Variants in RPS6KA3 observed in about 807,000 individuals in gnomAD.
RPS6KA3 encodes ribosomal protein S6 kinase alpha-3.
RPS6KA3 carries 4 observed loss-of-function variants against 67.2 expected under a neutral mutation model. That is an observed-to-expected ratio of 0.06 (90% CI 0.03 to 0.14). The LOEUF is 0.14. RPS6KA3 is among the 10% of genes least tolerant of loss of function. The pLI is 1.00. For missense variants in RPS6KA3, 204 were observed against 559.0 expected (o/e 0.36, Z 6.40); for synonymous variants, 182 against 183.7 (o/e 0.99, Z 0.07).
At chrX:20,240,636 C>CT in intron 1 of RPS6KA3, 6 of 251,429 alleles carry the variant, frequency 2.4e-5, no homozygotes, top group Non-Finnish European at 3.3e-5. Context: ...TGCATAAAGA[C>CT]TTATGTACAG....
At chrX:20,238,903 A>C (rs1216595650) in intron 1 of RPS6KA3, among the ~76,000 whole-genome samples, 1 of 111,727 alleles carries the variant, frequency 9.0e-6, no homozygotes, top group Admixed American at 9.5e-5. Flanking sequence ...TAAGTTTCCC[A>C]TTTGGAAAAT....
chrX:20,187,702 T>A, intron 9 of RPS6KA3, 126 bp downstream of exon 9: 1 of 615,027 alleles, frequency 1.6e-6, no homozygotes, highest in Non-Finnish European at 2.8e-6. Flanking sequence ...CAATAATGTT[T>A]CTTGGTTATT....
rs779360754 is a variant in RPS6KA3, at chrX:20,167,612, C to T, written c.1579G>A (p.Val527Ile). Residue 527 changes from valine to isoleucine, a missense_variant, in exon 17 of 22, where the codon GTT (valine) becomes ATT (isoleucine). Val to Ile is a conservative substitution (Grantham distance 29). Coordinates refer to ENST00000379565, the MANE Select transcript of RPS6KA3 (RefSeq NM_004586.3). ...SAVLFTITKT[V>I]EYLHAQGVVH... is the part of the protein sequence containing the mutation. ...ACCCCTTGTGCGTGAAGATATTCAA[C>T]GGTTTTAGTTATAGTGAACAGGACA... The T allele has an allele frequency of 3.3e-6, 4 of 1,210,547 alleles. No individual in the cohort carries two copies. The highest frequency in any genetic ancestry group is 3.0e-5 in the East Asian group (1 of 33,821).
intron 7 of RPS6KA3, among the ~76,000 whole-genome samples, chrX:20,190,678 T>C (rs2068097153): frequency 9.0e-6 from 1 of 111,455 alleles, no homozygotes; most frequent in African/African-American, 3.3e-5. Flanking sequence ...TAGTTATAAG[T>C]TGGGAAAATA....
intron 7 of RPS6KA3, among the ~76,000 whole-genome samples, chrX:20,189,986 G>C (rs760299561): frequency 9.0e-6 from 1 of 110,784 alleles, no homozygotes; most frequent in Non-Finnish European, 1.9e-5. Context: ...CATTTAGAGA[G>C]TATAAAGGGC....
In RPS6KA3 at chrX:20,160,005, C is replaced by A. The variant is rs745407402; in HGVS notation, c.1959+1639G>T. On this transcript the variant is annotated intron_variant, in intron 20 of 21. Coordinates refer to ENST00000379565, the MANE Select transcript of RPS6KA3 (RefSeq NM_004586.3). ...ATGGAATGACCAGCCTGGAGGCATT[C>A]TGCTATTCTCATGCTATCATCACCA... Among the ~76,000 whole-genome samples, 3 of 111,956 alleles carry A rather than the reference C, an allele frequency of 2.7e-5. No individual in the cohort carries two copies. The Admixed American group carries it at 2.8e-4, about 11-fold the overall frequency.
At chrX:20,240,151 T>C (rs2069513501) in intron 1 of RPS6KA3, among the ~76,000 whole-genome samples, 1 of 108,928 alleles carries the variant, frequency 9.2e-6, no homozygotes, top group Non-Finnish European at 1.9e-5. Context: ...GAAATGGACG[T>C]ACGGACATTA....
In RPS6KA3 at chrX:20,259,883, A is replaced by C. The variant is rs192681293; in HGVS notation, c.69+6681T>G. Among the ~76,000 whole-genome samples, 398 of 111,339 alleles carry C rather than the reference A, an allele frequency of 3.6e-3. 1 individual carries two copies. Among genetic ancestry groups the C allele is most frequent in the Middle Eastern group, 0.014 (3 of 216 alleles). On this transcript the variant is annotated intron_variant, in intron 1 of 21. Transcript: ENST00000379565. ...GAGGGGGGTGATTCTTGAGGCATGG[A>C]TACACCTTTTAACATCATATCTCCA...
chrX:20,235,812 TCTA>T (rs1052175329), intron 1 of RPS6KA3, among the ~76,000 whole-genome samples: 9 of 111,622 alleles, frequency 8.1e-5, no homozygotes, highest in East Asian at 2.8e-4. Flanking sequence ...TCTCATCAAT[TCTA>T]CTTCTTTTTT....
rs1209085517 is a variant in RPS6KA3, at chrX:20,158,365, CAAAA to C, written c.1960-2120_1960-2117del. On this transcript the variant is annotated intron_variant, in intron 20 of 21. Transcript: ENST00000379565. ...TGGGCAACACACTAAGACTCTATCT[CAAAA>C]AAAAAAAAAAAAAAAAAAAGAGAGA... Among the ~76,000 whole-genome samples the C allele has an allele frequency of 1.0e-3, 30 of 28,713 alleles. No individual in the cohort carries two copies. In the South Asian group the frequency reaches 0.016, roughly 15 times the overall value. The allele number at this position is 28,713 out of a possible 115,157, so 24.9% of individuals were successfully genotyped here.
intron 4 of RPS6KA3, 59 bp downstream of exon 4, chrX:20,203,963 A>AT: frequency 1.2e-6 from 1 of 864,810 alleles, no homozygotes; most frequent in East Asian, 3.1e-5. Flanking sequence ...CATGAGCTCT[A>AT]TTGAGACCTT....
chrX:20,235,826 A>T (rs944732548), intron 1 of RPS6KA3, among the ~76,000 whole-genome samples: 58 of 111,555 alleles, frequency 5.2e-4, no homozygotes, highest in Non-Finnish European at 8.7e-4. Context: ...CTTCTTTTTT[A>T]AAAAAAGTAG....
intron 1 of RPS6KA3, among the ~76,000 whole-genome samples, chrX:20,266,264 C>T (rs1456138343): frequency 9.1e-6 from 1 of 110,455 alleles, no homozygotes; most frequent in Non-Finnish European, 1.9e-5. Context: ...CCGCCTCCCG[C>T]TTCCCCCACG....
chrX:20,225,413 A>G (rs2069095970), intron 2 of RPS6KA3, among the ~76,000 whole-genome samples: 1 of 110,169 alleles, frequency 9.1e-6, no homozygotes, highest in South Asian at 3.9e-4. Flanking sequence ...ACCATGCAGT[A>G]CTAATTATAC....
intron 1 of RPS6KA3, among the ~76,000 whole-genome samples, chrX:20,250,112 A>G (rs1322059645): frequency 1.8e-5 from 2 of 111,934 alleles, no homozygotes; most frequent in African/African-American, 6.5e-5. Flanking sequence ...CCACTGATCT[A>G]TGTGTGTATC....
rs2067119911 is a variant in RPS6KA3 at position 20,152,570 on chromosome X, G to C, written c.*2828C>G. ...TTGGTGAAAGGCAGAAGCCTTTAGG[G>C]GCCTCAATACCACAACTGTAGGGGC... On this transcript the variant is annotated 3_prime_UTR_variant, in exon 22 of 22. Coordinates refer to ENST00000379565, the MANE Select transcript of RPS6KA3 (RefSeq NM_004586.3). 2 of 112,026 alleles carry C rather than the reference G, an allele frequency of 1.8e-5. No individual in the cohort carries two copies. Among genetic ancestry groups the C allele is most frequent in the South Asian group, 7.3e-4 (2 of 2,725 alleles). 9.2% of individuals were successfully genotyped at this position (112,026 alleles called of 1,213,427 possible).
chrX:20,177,890 C>T (rs2067739474), intron 10 of RPS6KA3, among the ~76,000 whole-genome samples: 1 of 112,428 alleles, frequency 8.9e-6, no homozygotes, highest in Non-Finnish European at 1.9e-5. Flanking sequence ...TGAAGATACA[C>T]AGTCTAAAAA....
intron 20 of RPS6KA3, among the ~76,000 whole-genome samples, chrX:20,158,962 C>T (rs923952399): frequency 5.4e-5 from 6 of 111,973 alleles, no homozygotes; most frequent in African/African-American, 1.6e-4. Context: ...GATGGACATA[C>T]ATCTCTTAAT....
chrX:20,199,252 GAGA>G (rs1472151899), intron 4 of RPS6KA3, among the ~76,000 whole-genome samples: 2 of 111,265 alleles, frequency 1.8e-5, no homozygotes, highest in East Asian at 5.6e-4. Flanking sequence ...AAAATATCAA[GAGA>G]AGAAGAAGGA....
Sources: allele counts gnomAD v4.1 joint callset (sites outside exome capture counted in the v4.1 genomes callset), GRCh38; gene constraint gnomAD v4.1.1; transcripts MANE v1.5; gene names NCBI Gene and HGNC (gene_info 2026-07-23, HGNC 2026-07-21).